Variants in HDAC9 observed in about 807,000 individuals in gnomAD.
HDAC9 encodes the protein histone deacetylase 9.
In HDAC9, 41 loss-of-function variants were observed where a neutral mutation model predicts 139.4. The observed-to-expected ratio is 0.29, with a 90% CI of 0.23 to 0.38. The LOEUF (loss-of-function observed/expected upper bound fraction) is 0.38, where lower values mean the gene tolerates loss of function less well. HDAC9 is among the 10% of genes least tolerant of loss of function. The pLI, the probability that HDAC9 is intolerant of heterozygous loss-of-function variation, is 1.00. For synonymous variants in HDAC9, 517 were observed against 476.2 expected (o/e 1.09, Z -1.12); for missense variants, 1,147 against 1,297.0 (o/e 0.88, Z 1.78).
chr7:18,116,038 GT>G lies in HDAC9; in HGVS notation c.-97+28829del, dbSNP rs1783956835. The stretch of plus-strand genomic sequence containing the variant: ...TTTCTATAGAGAAAAATTCATCCAC[GT>G]TTTGAAATTCAAGAAAAGCCTTCTC... On this transcript the variant is annotated intron_variant, in intron 1 of 12. Transcript: ENST00000417496. Among the ~76,000 whole-genome samples the G allele has an allele frequency of 2.0e-5, 3 of 152,210 alleles. No homozygotes were observed. The South Asian group carries it at 6.2e-4, about 32-fold the overall frequency.
chr7:18,769,921 C>T (rs1219184303), intron 16 of HDAC9, among the ~76,000 whole-genome samples: 1 of 152,106 alleles, frequency 6.6e-6, no homozygotes, highest in Admixed American at 6.6e-5. Context: ...CTGTTGGTTT[C>T]CATTCTGAAA....
At chr7:18,477,532 T>C (rs1795209424) in intron 1 of HDAC9, among the ~76,000 whole-genome samples, 1 of 152,200 alleles carries the variant, frequency 6.6e-6, no homozygotes, top group Non-Finnish European at 1.5e-5. Context: ...TGTTTCCATA[T>C]GGTGAAAATA....
At chr7:18,791,811 A>G (rs1026742470) in intron 16 of HDAC9, among the ~76,000 whole-genome samples, 14 of 152,240 alleles carry the variant, frequency 9.2e-5, no homozygotes, top group Non-Finnish European at 1.9e-4. Context: ...CAGGTATAAC[A>G]GTAGCTGAAA....
chr7:18,516,946 G>A (rs1232976167), intron 2 of HDAC9, among the ~76,000 whole-genome samples: 1 of 151,224 alleles, frequency 6.6e-6, no homozygotes, highest in East Asian at 1.9e-4. Flanking sequence ...CTGGCATAAT[G>A]GTAAAAAATT....
intron 2 of HDAC9, among the ~76,000 whole-genome samples, chr7:18,249,241 G>A (rs1365213307): frequency 2.0e-5 from 3 of 151,882 alleles, no homozygotes; most frequent in East Asian, 1.9e-4. Flanking sequence ...GGTGGCTCAC[G>A]CCTGTAATCC....
chr7:18,702,728 C>A (rs1480193787), intron 12 of HDAC9, among the ~76,000 whole-genome samples: 2 of 152,208 alleles, frequency 1.3e-5, no homozygotes, highest in Non-Finnish European at 2.9e-5. Flanking sequence ...TCAAGGACAA[C>A]TCGGCGGAAC....
intron 12 of HDAC9, among the ~76,000 whole-genome samples, chr7:18,673,604 C>T (rs888803766): frequency 3.3e-5 from 5 of 151,962 alleles, no homozygotes; most frequent in African/African-American, 9.6e-5. Context: ...TGTGGCTATT[C>T]GAAAAGAATA....
At chr7:18,428,542 G>T (rs963732715) in intron 1 of HDAC9, among the ~76,000 whole-genome samples, 1 of 152,126 alleles carries the variant, frequency 6.6e-6, no homozygotes, top group Non-Finnish European at 1.5e-5. Context: ...ATCATCAGGG[G>T]AATGCAAGTT....
chr7:18,930,708 A>G (rs868850877), intron 22 of HDAC9, among the ~76,000 whole-genome samples: 1 of 152,234 alleles, frequency 6.6e-6, no homozygotes, highest in Non-Finnish European at 1.5e-5. Flanking sequence ...TGTTTTGTGC[A>G]TGCATAACTT....
At chr7:18,258,193 G>T (rs956874470) in intron 2 of HDAC9, among the ~76,000 whole-genome samples, 1 of 152,168 alleles carries the variant, frequency 6.6e-6, no homozygotes, top group Non-Finnish European at 1.5e-5. Context: ...CTGGTTAAGC[G>T]TAGATCTATT....
At chr7:18,931,127 T>A (rs1439908392) in intron 22 of HDAC9, among the ~76,000 whole-genome samples, 1 of 152,192 alleles carries the variant, frequency 6.6e-6, no homozygotes, top group Non-Finnish European at 1.5e-5. Context: ...AATAATATGA[T>A]TAACAGAAAT....
chr7:18,433,866 A>T (rs1443479112), intron 1 of HDAC9, among the ~76,000 whole-genome samples: 2 of 152,250 alleles, frequency 1.3e-5, no homozygotes, highest in African/African-American at 4.8e-5. Flanking sequence ...TACAGATTTA[A>T]TGCTATTCCT....
intron 2 of HDAC9, among the ~76,000 whole-genome samples, chr7:18,245,525 C>A (rs1379662251): frequency 6.6e-6 from 1 of 151,994 alleles, no homozygotes; most frequent in Non-Finnish European, 1.5e-5. Context: ...ACTTTGACCT[C>A]CCAATGCAAA....
Position 18,999,461 on chromosome 7 carries a change from CTT to C in HDAC9, c.*3404_*3405del, listed in dbSNP as rs1458814781. On this transcript the variant is annotated 3_prime_UTR_variant, in exon 26 of 26. Coordinates refer to ENST00000686413, the MANE Select transcript of HDAC9 (RefSeq NM_178425.4). Reference sequence around the variant, plus strand: ...TTCCTCTTCAATCAGCATTTTAAAACTTTTTTATTTTTGAGTCAGAGTTTTGC... The same window carrying C: ...TTCCTCTTCAATCAGCATTTTAAAACTTTTATTTTTGAGTCAGAGTTTTGC... The C allele has an allele frequency of 6.6e-6, 1 of 152,138 alleles. No homozygotes were observed. Among genetic ancestry groups the C allele is most frequent in the African/African-American group, 2.4e-5 (1 of 41,420 alleles). 9.4% of individuals were successfully genotyped at this position (152,138 alleles called of 1,614,324 possible). A position where few individuals can be genotyped will look rare whatever the true frequency, so the allele number is the denominator to read the frequency against.
chr7:18,315,784 T>C lies in HDAC9; in HGVS notation c.-42+25269T>C, dbSNP rs372157878. Among the ~76,000 whole-genome samples the C allele has an allele frequency of 5.5e-4, 84 of 152,350 alleles. 2 individuals are homozygous for C. In the South Asian group the frequency reaches 0.016, roughly 29 times the overall value. Reference sequence around the variant, plus strand: ...CTACCTGCTCAGTCTAAACTGACTTTCTTCCTGGACAGATCCTTGTGATGA... The same window carrying C: ...CTACCTGCTCAGTCTAAACTGACTTCCTTCCTGGACAGATCCTTGTGATGA... On this transcript the variant is annotated intron_variant, in intron 1 of 3. Coordinates refer to the HDAC9 transcript ENST00000413509.
intron 21 of HDAC9, among the ~76,000 whole-genome samples, chr7:18,837,968 A>G (rs1056068636): frequency 6.6e-6 from 1 of 152,080 alleles, no homozygotes; most frequent in Non-Finnish European, 1.5e-5. Context: ...CTTGAGTTTC[A>G]TTAGAGAAGT....
chr7:18,238,134 A>T (rs1313382547), intron 2 of HDAC9, among the ~76,000 whole-genome samples: 2 of 152,248 alleles, frequency 1.3e-5, no homozygotes, highest in Non-Finnish European at 2.9e-5. Flanking sequence ...AAAAACTCCA[A>T]GTTCTCAAGA....
chr7:18,448,655 T>C (rs1026269913), intron 1 of HDAC9, among the ~76,000 whole-genome samples: 2 of 152,184 alleles, frequency 1.3e-5, no homozygotes, highest in African/African-American at 4.8e-5. Flanking sequence ...TTTGGTCAAT[T>C]TCCTATTCAT....
intron 5 of HDAC9, among the ~76,000 whole-genome samples, chr7:18,592,959 C>T (rs1831407690): frequency 1.3e-5 from 2 of 152,046 alleles, no homozygotes; most frequent in African/African-American, 2.4e-5. Context: ...AGTTCATTAG[C>T]TGTTCTCTTA....
Sources: gnomAD v4.1 joint callset for allele counts (sites outside exome capture counted in the v4.1 genomes callset) on GRCh38, gnomAD v4.1.1 for gene constraint, MANE v1.5 for transcripts, NCBI Gene and HGNC (gene_info 2026-07-23, HGNC 2026-07-21) for gene names.